Variants in NHERF1 observed in about 807,000 individuals in gnomAD.
NHERF1 encodes NHERF family PDZ scaffold protein 1.
chr17:74,753,513 G>A, the NHERF1 span, among the ~76,000 whole-genome samples: 1 of 152,180 alleles, frequency 6.6e-6, no homozygotes, highest in East Asian at 1.9e-4. Context: ...TTTCTTTGCT[G>A]GCAAAACAGT....
At chr17:74,756,333 CA>C in the NHERF1 span, among the ~76,000 whole-genome samples, 1 of 124,972 alleles carries the variant, frequency 8.0e-6, no homozygotes, top group Non-Finnish European at 1.6e-5. Context: ...GGCTGGAGTG[CA>C]GTGGCGTGAT....
the NHERF1 span, among the ~76,000 whole-genome samples, chr17:74,765,509 C>A: frequency 6.6e-6 from 1 of 150,514 alleles, no homozygotes; most frequent in African/African-American, 2.4e-5. Flanking sequence ...CCGCCCACCT[C>A]GGCCTCCCAA....
the NHERF1 span, among the ~76,000 whole-genome samples, chr17:74,754,090 G>A: frequency 6.6e-6 from 1 of 151,982 alleles, no homozygotes; most frequent in Non-Finnish European, 1.5e-5. Flanking sequence ...CTTGAACCTG[G>A]GAGGTGGAGG....
At chr17:74,762,135 G>A in the NHERF1 span, 7 of 1,614,056 alleles carry the variant, frequency 4.3e-6, no homozygotes, top group East Asian at 1.1e-4. This position sits in a 1 kb window ranked among gnomAD's most constrained non-coding sequence, Gnocchi z 4.2. Context: ...CTCCCCGGCT[G>A]AGGCTTCAGG....
the NHERF1 span, chr17:74,768,320 C>T: frequency 4.3e-5 from 59 of 1,386,388 alleles, no homozygotes; most frequent in East Asian, 1.3e-3. Flanking sequence ...ACCAGCCTGC[C>T]TTTGAGGTCA....
chr17:74,760,591 C>T, the NHERF1 span, among the ~76,000 whole-genome samples: 1 of 152,130 alleles, frequency 6.6e-6, no homozygotes. This position sits in a 1 kb window ranked among gnomAD's most constrained non-coding sequence, Gnocchi z 4.5. Context: ...GGCGCGCCTT[C>T]CCACCCCTCT....
chr17:74,768,431 C>A, the NHERF1 span: 1 of 1,608,036 alleles, frequency 6.2e-7, no homozygotes, highest in Non-Finnish European at 8.5e-7. Context: ...TAATGAGGGA[C>A]TGACTCCCAA....
the NHERF1 span, chr17:74,768,873 C>T: frequency 3.5e-6 from 2 of 576,270 alleles, no homozygotes; most frequent in South Asian, 2.0e-5. Flanking sequence ...CTCTGCCTCC[C>T]TCCTCCTCAC....
chr17:74,766,179 GT>G, the NHERF1 span, among the ~76,000 whole-genome samples: 6 of 151,626 alleles, frequency 4.0e-5, no homozygotes, highest in Non-Finnish European at 1.5e-5. Context: ...AGGTTTTTTG[GT>G]TTGTTTTTTT....
At chr17:74,768,144 C>T in the NHERF1 span, 1 of 1,604,788 alleles carries the variant, frequency 6.2e-7, no homozygotes, top group South Asian at 1.1e-5. Context: ...TCCTCTCTGC[C>T]AGGAGAACAG....
the NHERF1 span, among the ~76,000 whole-genome samples, chr17:74,755,789 C>A: frequency 6.6e-6 from 1 of 152,096 alleles, no homozygotes; most frequent in African/African-American, 2.4e-5. Flanking sequence ...ATGTGCTGGT[C>A]CACATGCAGA....
chr17:74,768,791 T>A, the NHERF1 span: 1 of 749,284 alleles, frequency 1.3e-6, no homozygotes. Context: ...ATGATTTTTC[T>A]AGAGAACTAT....
the NHERF1 span, chr17:74,763,412 T>A: frequency 6.2e-7 from 1 of 1,613,942 alleles, no homozygotes; most frequent in Admixed American, 1.7e-5. Context: ...GGACGTGGTG[T>A]CCGCCATCAG....
chr17:74,757,601 T>C, the NHERF1 span, among the ~76,000 whole-genome samples: 1 of 151,698 alleles, frequency 6.6e-6, no homozygotes, highest in Non-Finnish European at 1.5e-5. Flanking sequence ...CACACAGCAC[T>C]CCAGGCAGGG....
chr17:74,762,597 C>T, the NHERF1 span, among the ~76,000 whole-genome samples: 1 of 151,838 alleles, frequency 6.6e-6, no homozygotes, highest in Non-Finnish European at 1.5e-5. The surrounding 1 kb of genome is among the most constrained non-coding windows in gnomAD (Gnocchi z 4.2). Context: ...CTTTGTTGCC[C>T]AGGCTGGGGG....
At chr17:74,759,481 C>T in the NHERF1 span, among the ~76,000 whole-genome samples, 1 of 152,196 alleles carries the variant, frequency 6.6e-6, no homozygotes. Flanking sequence ...GCAGCTAGCA[C>T]AGCCCTGCCC....
At chr17:74,768,370 TG>T in the NHERF1 span, 1 of 1,473,602 alleles carries the variant, frequency 6.8e-7, no homozygotes, top group Non-Finnish European at 9.5e-7. Context: ...CTGGCTTCCC[TG>T]GGCACGGCCC....
the NHERF1 span, among the ~76,000 whole-genome samples, chr17:74,762,878 C>T: frequency 1.3e-5 from 2 of 152,206 alleles, no homozygotes; most frequent in African/African-American, 4.8e-5. This position sits in a 1 kb window ranked among gnomAD's most constrained non-coding sequence, Gnocchi z 4.2. Context: ...CTTTTAGACT[C>T]GTGCATTCAG....
At chr17:74,756,299 G>A in the NHERF1 span, among the ~76,000 whole-genome samples, 1 of 35,830 alleles carries the variant, frequency 2.8e-5, no homozygotes, top group Non-Finnish European at 6.2e-5. Context: ...TTTTTTTTGA[G>A]ACGGAGCCTT....
Sources: allele counts gnomAD v4.1 joint callset (sites outside exome capture counted in the v4.1 genomes callset), GRCh38; gene constraint gnomAD v4.1.1; non-coding constraint Gnocchi (gnomAD v3.1); transcripts MANE v1.5; gene names NCBI Gene and HGNC (gene_info 2026-07-23, HGNC 2026-07-21).